ARHGEF12: variants seen among roughly 807,000 people sequenced by gnomAD.
ARHGEF12 encodes Rho guanine nucleotide exchange factor 12.
ARHGEF12 carries 66 observed loss-of-function variants against 211.2 expected under a neutral mutation model. The observed-to-expected ratio is 0.31, with a 90% CI of 0.26 to 0.38. The LOEUF is 0.38. ARHGEF12 is among the 10% of genes least tolerant of loss of function. The pLI is 1.00. For synonymous variants in ARHGEF12, 592 were observed against 638.4 expected (o/e 0.93, Z 1.09); for missense variants, 1,429 against 1,869.5 (o/e 0.76, Z 4.34).
intron 27 of ARHGEF12, among the ~76,000 whole-genome samples, chr11:120,461,735 G>A (rs71484169): frequency 0.011 from 1,669 of 152,296 alleles, 17 homozygotes; most frequent in Non-Finnish European, 0.018. Flanking sequence ...TCTCAGGTAC[G>A]TCTTCTGGAT....
In ARHGEF12 at chr11:120,349,851, T is replaced by C. The variant is rs148457708; in HGVS notation, c.32+12576T>C. The stretch of plus-strand genomic sequence containing the variant: ...TTTTTAGCAGCTGTGGCTAAGATAG[T>C]TTTTTTCCCTTGCTGTGATAATATT... On this transcript the variant is annotated intron_variant, in intron 1 of 40. Coordinates refer to ENST00000397843, the MANE Select transcript of ARHGEF12 (RefSeq NM_015313.3). Among the ~76,000 whole-genome samples the C allele has an allele frequency of 7.9e-4, 121 of 152,328 alleles. 3 individuals carry two copies. In the Middle Eastern group the frequency reaches 0.02, roughly 26 times the overall value.
chr11:120,381,395 T>C (rs566577400), intron 1 of ARHGEF12, among the ~76,000 whole-genome samples: 8 of 152,334 alleles, frequency 5.3e-5, no homozygotes, highest in Admixed American at 3.3e-4. Context: ...CCACTTATTT[T>C]TTCAACCTAT....
Position 120,441,796 on chromosome 11 carries a change from A to C in ARHGEF12, c.1182A>C (p.Ser394=), listed in dbSNP as rs766087923. The change falls in exon 14 of 41, where the codon TCA becomes TCC. Residue 394 remains serine, a synonymous_variant. Transcript: ENST00000397843. ...CTGTTTTCTTACACCATGTAGTTTC[A>C]CAATTTGACCCTGCGACTTTGGTAA... The part of the protein sequence containing the change: ...HLAVFLHHVV[S]QFDPATLLCY... The C allele has an allele frequency of 1.2e-6, 2 of 1,613,744 alleles. No individual in the cohort carries two copies. The highest frequency in any genetic ancestry group is 1.7e-6 in the Non-Finnish European group (2 of 1,179,752).
At chr11:120,415,958 G>A (rs1415584277) in intron 4 of ARHGEF12, among the ~76,000 whole-genome samples, 2 of 152,156 alleles carry the variant, frequency 1.3e-5, no homozygotes, top group Admixed American at 6.5e-5. Flanking sequence ...AGAAAAAATT[G>A]AATAGGATGT....
chr11:120,455,780 T>C (rs1946343827), intron 22 of ARHGEF12, among the ~76,000 whole-genome samples: 1 of 152,194 alleles, frequency 6.6e-6, no homozygotes, highest in African/African-American at 2.4e-5. Flanking sequence ...CAGTGGATAG[T>C]ATGAAGCAGC....
chr11:120,483,573 G>A (rs1489735132), intron 39 of ARHGEF12, among the ~76,000 whole-genome samples: 4 of 151,512 alleles, frequency 2.6e-5, no homozygotes, highest in Admixed American at 2.6e-4. Flanking sequence ...ACAGGTGCCC[G>A]CCACCACACC....
intron 1 of ARHGEF12, among the ~76,000 whole-genome samples, chr11:120,389,761 G>A (rs1591532751): frequency 6.6e-6 from 1 of 152,104 alleles, no homozygotes; most frequent in African/African-American, 2.4e-5. Context: ...TTCCACAAAT[G>A]AGTGAGAACA....
At chr11:120,359,257 C>A (rs1943214320) in intron 1 of ARHGEF12, among the ~76,000 whole-genome samples, 1 of 152,080 alleles carries the variant, frequency 6.6e-6, no homozygotes, top group South Asian at 2.1e-4. Context: ...TAGGATCTCA[C>A]TGTGTTGCTC....
At chr11:120,435,918 G>A (rs1451693446) in intron 11 of ARHGEF12, among the ~76,000 whole-genome samples, 1 of 152,128 alleles carries the variant, frequency 6.6e-6, no homozygotes, top group African/African-American at 2.4e-5. Context: ...AATTTTGTCA[G>A]TATTTCTGTA....
chr11:120,341,222 T>C (rs984168800), intron 1 of ARHGEF12, among the ~76,000 whole-genome samples: 1 of 120,036 alleles, frequency 8.3e-6, no homozygotes, highest in African/African-American at 3.4e-5. Context: ...CACGCCTGGC[T>C]AATTTTTGTA....
In ARHGEF12 at chr11:120,485,948, ATTC is replaced by A. The variant is rs1408063096; in HGVS notation, c.*874_*876del. 24 of 233,512 alleles carry A rather than the reference ATTC, an allele frequency of 1.0e-4. No homozygotes were observed. Among genetic ancestry groups the A allele is most frequent in the African/African-American group, 4.4e-4 (20 of 45,456 alleles). 14.5% of individuals were successfully genotyped at this position (233,512 alleles called of 1,614,324 possible). On this transcript the variant is annotated 3_prime_UTR_variant, in exon 41 of 41. Coordinates refer to ENST00000397843, the MANE Select transcript of ARHGEF12 (RefSeq NM_015313.3). ...TTATTTTCTTGACTATAAATTTGTT[ATTC>A]TTGGTATCATTTCATTTTTATAATT...
chr11:120,441,914 TC>T, intron 14 of ARHGEF12, 97 bp downstream of exon 14: 1 of 1,137,666 alleles, frequency 8.8e-7, no homozygotes, highest in Admixed American at 2.0e-5. Context: ...CAGACTTCTT[TC>T]AGTTTTCCGT....
At chr11:120,441,239 T>C (rs1356423848) in intron 13 of ARHGEF12, among the ~76,000 whole-genome samples, 1 of 152,112 alleles carries the variant, frequency 6.6e-6, no homozygotes, top group Non-Finnish European at 1.5e-5. Context: ...GTTTACATTA[T>C]TATTGTTTTC....
chr11:120,406,074 C>T (rs368799758), intron 1 of ARHGEF12, 44 bp from the exon 2 acceptor site: 1 of 1,424,360 alleles, frequency 7.0e-7, no homozygotes. Flanking sequence ...CAAAATCTTA[C>T]AAGTAAAGTA....
intron 1 of ARHGEF12, among the ~76,000 whole-genome samples, chr11:120,342,159 C>G (rs1314046667): frequency 6.6e-6 from 1 of 152,040 alleles, no homozygotes; most frequent in Admixed American, 6.6e-5. Context: ...TTTCTTTGTA[C>G]TGTATTTTTC....
chr11:120,427,800 T>G (rs1945391649), intron 7 of ARHGEF12, among the ~76,000 whole-genome samples: 1 of 152,280 alleles, frequency 6.6e-6, no homozygotes, highest in Admixed American at 6.5e-5. Context: ...GTTATAAATT[T>G]TATTTGCTTT....
chr11:120,380,214 A>G (rs1943840549), intron 1 of ARHGEF12, among the ~76,000 whole-genome samples: 1 of 151,632 alleles, frequency 6.6e-6, no homozygotes, highest in South Asian at 2.1e-4. Context: ...TGCATAAATA[A>G]CACAGAAAAT....
chr11:120,454,962 C>A (rs1460546857), intron 22 of ARHGEF12, among the ~76,000 whole-genome samples: 1 of 152,088 alleles, frequency 6.6e-6, no homozygotes, highest in Non-Finnish European at 1.5e-5. Context: ...AGGCTCCACC[C>A]CTGAGGGGAG....
At chr11:120,464,949 T>C (rs1161183233) in intron 27 of ARHGEF12, 2 of 256,128 alleles carry the variant, frequency 7.8e-6, no homozygotes, top group Non-Finnish European at 1.5e-5. Context: ...GAAGTTGCAG[T>C]GAGCCAAGAT....
Sources: allele counts gnomAD v4.1 joint callset (sites outside exome capture counted in the v4.1 genomes callset), GRCh38; gene constraint gnomAD v4.1.1; transcripts MANE v1.5; gene names NCBI Gene and HGNC (gene_info 2026-07-23, HGNC 2026-07-21).